The following KCTD14 variants were observed in gnomAD, a reference collection of about 807,000 sequenced individuals.
KCTD14 encodes BTB/POZ domain-containing protein KCTD14.
In KCTD14, 7 loss-of-function variants were observed where a neutral mutation model predicts 5.9. The observed-to-expected ratio is 1.19, with a 90% CI of 0.68 to 2.23. KCTD14 has a LOEUF of 2.23. Among genes scored for constraint, KCTD14 ranks in the 30% most tolerant of loss-of-function variants. KCTD14 has a pLI of 0.00. For synonymous variants in KCTD14, 140 were observed against 133.1 expected, an observed-to-expected ratio of 1.05 and a Z score of -0.36; for missense variants, 342 against 332.2, an observed-to-expected ratio of 1.03 and a Z score of -0.23.
upstream of KCTD14, among the ~76,000 whole-genome samples, chr11:78,025,155 T>TATATATATAA (rs1417247331): frequency 1.5e-5 from 2 of 132,424 alleles, no homozygotes; most frequent in Admixed American, 7.9e-5. Context: ...TATATATATA[T>TATATATATAA]AAAGGGGAGT....
intron 2 of KCTD14, among the ~76,000 whole-genome samples, chr11:78,030,656 G>T (rs554832341): frequency 6.6e-6 from 1 of 152,256 alleles, no homozygotes; most frequent in South Asian, 2.1e-4. Flanking sequence ...AGACAATGCG[G>T]CCAGCCCCTC....
chr11:78,028,991 C>A (rs1465213664), intron 2 of KCTD14, among the ~76,000 whole-genome samples: 6 of 151,980 alleles, frequency 3.9e-5, no homozygotes, highest in Non-Finnish European at 7.4e-5. Flanking sequence ...TCGAGACCAG[C>A]CTGACCAATA....
intron 1 of KCTD14, among the ~76,000 whole-genome samples, chr11:78,041,907 C>T (rs376720975): frequency 3.0e-4 from 45 of 152,220 alleles, no homozygotes; most frequent in South Asian, 4.1e-4. Flanking sequence ...CCGTGACCCA[C>T]GGCTTCTACT....
chr11:78,027,445 C>CTT (rs1857498781), upstream of KCTD14, among the ~76,000 whole-genome samples: 2 of 150,882 alleles, frequency 1.3e-5, no homozygotes, highest in South Asian at 4.2e-4. Flanking sequence ...TCACTACAAC[C>CTT]TCTGCCTCCC....
At position 78,016,367 on chromosome 11, in the gene KCTD14, A is replaced by G. The variant is rs1179179743; in HGVS notation, c.*226T>C. On this transcript the variant is annotated 3_prime_UTR_variant, in exon 2 of 2. Transcript: ENST00000353172. ...TTCAAGAGAAGGGTCTGGGAGATAC[A>G]TGAGGCTTTGAAAAGGAAGTAGCTG... 5.2e-6 allele frequency: 3 copies of G among 580,872 alleles called. No individual in the cohort carries two copies. The highest frequency in any genetic ancestry group is 3.1e-5 in the Admixed American group (1 of 32,378). The allele number at this position is 580,872 out of a possible 1,614,324, so 36.0% of individuals were successfully genotyped here.
chr11:78,018,410 T>G (rs1055856951), intron 1 of KCTD14, among the ~76,000 whole-genome samples: 2 of 149,152 alleles, frequency 1.3e-5, no homozygotes, highest in African/African-American at 4.9e-5. Flanking sequence ...AAAAAAAATT[T>G]TTTTTTTAAG....
chr11:78,046,066 A>G (rs1858131141), exon 1 of KCTD14: 2 of 983,352 alleles, frequency 2.0e-6, no homozygotes, highest in Non-Finnish European at 2.4e-6. Context: ...ATTACCTGAC[A>G]GTAAACCGGG....
intron 1 of KCTD14, among the ~76,000 whole-genome samples, chr11:78,017,590 G>A (rs535575635): frequency 3.3e-5 from 5 of 151,842 alleles, no homozygotes; most frequent in African/African-American, 7.2e-5. Flanking sequence ...GACTGCAGGC[G>A]CCTGCCATCA....
chr11:78,037,361 T>C (rs972064636), intron 2 of KCTD14, among the ~76,000 whole-genome samples: 1 of 152,200 alleles, frequency 6.6e-6, no homozygotes, highest in Non-Finnish European at 1.5e-5. Context: ...CTGGGCTCTC[T>C]TTGCAGGGCT....
chr11:78,021,401 TTTGTTTTTTGTTTTTGTTTGC>T (rs1857303477), intron 1 of KCTD14, among the ~76,000 whole-genome samples: 1 of 151,924 alleles, frequency 6.6e-6, no homozygotes, highest in Non-Finnish European at 1.5e-5. Context: ...TAAGCTTCTT[TTTGTTTTTTGTTTTTGTTTGC>T]TTGTTTTTTG....
At chr11:78,032,177 C>T (rs920953842) in intron 2 of KCTD14, among the ~76,000 whole-genome samples, 1 of 152,228 alleles carries the variant, frequency 6.6e-6, no homozygotes, top group African/African-American at 2.4e-5. Flanking sequence ...TATGGCTGGG[C>T]TTCCTTCAAA....
upstream of KCTD14, among the ~76,000 whole-genome samples, chr11:78,028,239 A>G (rs1382741654): frequency 6.6e-6 from 1 of 152,178 alleles, no homozygotes; most frequent in Admixed American, 6.5e-5. Flanking sequence ...CTATAATATA[A>G]CTGACCAGTA....
At chr11:78,040,354 CTTCT>C (rs1565318229) in intron 1 of KCTD14, among the ~76,000 whole-genome samples, 1 of 151,864 alleles carries the variant, frequency 6.6e-6, no homozygotes, top group Non-Finnish European at 1.5e-5. Flanking sequence ...TTCTTTCTTT[CTTCT>C]TTTTTTCCTT....
At chr11:78,032,308 C>G (rs1303364019) in intron 2 of KCTD14, among the ~76,000 whole-genome samples, 3 of 152,228 alleles carry the variant, frequency 2.0e-5, no homozygotes, top group Non-Finnish European at 2.9e-5. Flanking sequence ...GAACAGAGAG[C>G]CTGGCTGGAA....
intron 1 of KCTD14, 192 bp downstream of exon 1, chr11:78,022,968 A>G: frequency 3.7e-6 from 2 of 546,192 alleles, no homozygotes; most frequent in Admixed American, 3.5e-5. Context: ...GCGCGAAAGG[A>G]GAGTGATCCC....
intron 1 of KCTD14, among the ~76,000 whole-genome samples, chr11:78,039,297 G>T (rs748344058): frequency 1.3e-5 from 2 of 151,902 alleles, no homozygotes; most frequent in Non-Finnish European, 2.9e-5. Flanking sequence ...CAGGCAGACC[G>T]CTTGAGCCCA....
At chr11:78,035,016 G>A (rs114454750) in intron 2 of KCTD14, among the ~76,000 whole-genome samples, 2,365 of 152,250 alleles carry the variant, frequency 0.016, 60 homozygotes, top group African/African-American at 0.052. Flanking sequence ...CCTGATTGCC[G>A]GCTATCATTT....
At chr11:78,027,490 G>A (rs957048106), upstream of KCTD14, among the ~76,000 whole-genome samples, 3 of 151,848 alleles carry the variant, frequency 2.0e-5, no homozygotes, top group African/African-American at 7.3e-5. Flanking sequence ...AGCCTCCCGA[G>A]TAGCTGGGAT....
chr11:78,026,046 A>C (rs1440699266), upstream of KCTD14, among the ~76,000 whole-genome samples: 1 of 152,198 alleles, frequency 6.6e-6, no homozygotes, highest in Non-Finnish European at 1.5e-5. Flanking sequence ...TATTTTGCCA[A>C]GGTTAAGAAC....
Sources: gnomAD v4.1 joint callset for allele counts (sites outside exome capture counted in the v4.1 genomes callset) on GRCh38, gnomAD v4.1.1 for gene constraint, MANE v1.5 for transcripts, NCBI Gene and HGNC (gene_info 2026-07-23, HGNC 2026-07-21) for gene names.